Variants in NOTCH2 observed in about 807,000 individuals in gnomAD.
NOTCH2 encodes the protein neurogenic locus notch homolog protein 2.
NOTCH2 carries 29 observed loss-of-function variants against 235.8 expected under a neutral mutation model. That is an observed-to-expected ratio of 0.12 (90% CI 0.09 to 0.17). The LOEUF (loss-of-function observed/expected upper bound fraction) is 0.17. NOTCH2 is among the 10% of genes least tolerant of loss of function. NOTCH2 has a pLI of 1.00. For missense variants in NOTCH2, 2,285 were observed against 3,150.2 expected (o/e 0.73, Z 6.57); for synonymous variants, 1,086 against 1,141.5 (o/e 0.95, Z 0.98).
chr1:120,043,887 C>T (rs1465677256), intron 1 of NOTCH2, among the ~76,000 whole-genome samples: 1 of 147,274 alleles, frequency 6.8e-6, no homozygotes, highest in East Asian at 2.0e-4. Context: ...TACCCTATGA[C>T]TGAAATTGTT....
intron 1 of NOTCH2, among the ~76,000 whole-genome samples, chr1:120,067,320 C>T (rs1570802185): frequency 6.7e-6 from 1 of 149,254 alleles, no homozygotes; most frequent in Non-Finnish European, 1.5e-5. Flanking sequence ...TAAATCCTAT[C>T]CTTTGAGTCA....
chr1:119,996,958 G>A (rs1553204270), intron 4 of NOTCH2, 39 bp downstream of exon 4: 3 of 1,595,050 alleles, frequency 1.9e-6, no homozygotes, highest in Non-Finnish European at 1.7e-6. Context: ...TGTGCTAGGG[G>A]TTTGTCCCCT....
intron 5 of NOTCH2, among the ~76,000 whole-genome samples, chr1:119,973,376 C>T (rs1027025141): frequency 2.6e-4 from 40 of 152,274 alleles, no homozygotes; most frequent in Non-Finnish European, 3.2e-4. Flanking sequence ...ACTCCCTTCA[C>T]GTCACCACCC....
chr1:120,023,094 A>G (rs587769420), intron 2 of NOTCH2, among the ~76,000 whole-genome samples: 1 of 151,884 alleles, frequency 6.6e-6, no homozygotes. Flanking sequence ...CAAAGATCCA[A>G]TTGTTAATAG....
Position 119,949,026 on chromosome 1 carries a change from C to A in NOTCH2, c.2580G>T (p.Leu860Phe). Reference protein sequence around the residue: ...ESPNFESYTCLCAPGWQGQRC... With the variant: ...ESPNFESYTCFCAPGWQGQRC... ...TCTTACCTTGCCAGCCAGGAGCACA[C>A]AAGCAAGTATAACTCTCAAAATTTG... Residue 860 changes from leucine to phenylalanine, a missense_variant, in exon 16 of 34, where the codon TTG becomes TTT. This residue lies in a region of NOTCH2 where 1,173 missense variants were observed against 1,515.3 expected (regional missense o/e 0.77). Coordinates refer to ENST00000256646, the MANE Select transcript of NOTCH2 (RefSeq NM_024408.4). 1 of 1,614,220 alleles carries A rather than the reference C, an allele frequency of 6.2e-7. No individual in the cohort carries two copies. The highest frequency in any genetic ancestry group is 8.5e-7 in the Non-Finnish European group (1 of 1,180,032).
chr1:119,985,326 A>G (rs1651973209), intron 5 of NOTCH2, among the ~76,000 whole-genome samples: 2 of 152,154 alleles, frequency 1.3e-5, no homozygotes, highest in South Asian at 4.1e-4. Flanking sequence ...AAACTTATCC[A>G]TGATCTCCAC....
intron 29 of NOTCH2, 73 bp from the exon 30 acceptor site, chr1:119,920,470 C>G (rs1247367321): frequency 1.3e-6 from 2 of 1,484,964 alleles, no homozygotes; most frequent in East Asian, 4.5e-5. Flanking sequence ...GTGTCCAGAG[C>G]CTCCACCACC....
rs1445649894 is a variant in NOTCH2, at chr1:119,997,241, T to C, written c.507A>G (p.Lys169=). 1.9e-6 allele frequency: 3 copies of C among 1,613,976 alleles called. No homozygotes were observed. The highest frequency in any genetic ancestry group is 2.5e-6 in the Non-Finnish European group (3 of 1,179,864). ...CTTVANQFSC[K]CLTGFTGQKC... Reference sequence around the variant, plus strand: ...TCTGCCCTGTGAAGCCTGTGAGGCATTTGCAGGAGAACTGGTTGGCCACAG... The same window carrying C: ...TCTGCCCTGTGAAGCCTGTGAGGCACTTGCAGGAGAACTGGTTGGCCACAG... The change falls in exon 4 of 34, where the codon AAA becomes AAG. Residue 169 remains lysine (K), a synonymous_variant. Transcript: ENST00000256646.
At chr1:120,045,844 A>G (rs1395929321) in intron 1 of NOTCH2, among the ~76,000 whole-genome samples, 5 of 152,286 alleles carry the variant, frequency 3.3e-5, no homozygotes, top group Non-Finnish European at 5.9e-5. Context: ...TACATTCTGG[A>G]CCAGTGGTCT....
At chr1:120,037,517 T>C (rs1654355209) in intron 1 of NOTCH2, among the ~76,000 whole-genome samples, 1 of 151,358 alleles carries the variant, frequency 6.6e-6, no homozygotes, top group Non-Finnish European at 1.5e-5. Context: ...AAACTTTCTC[T>C]AAATTTTGTA....
chr1:120,014,998 T>C (rs1653375455), intron 2 of NOTCH2, among the ~76,000 whole-genome samples: 1 of 150,478 alleles, frequency 6.6e-6, no homozygotes, highest in Admixed American at 6.6e-5. Context: ...TAGCTTTTTT[T>C]TTTTTTTTTT....
intron 1 of NOTCH2, among the ~76,000 whole-genome samples, chr1:120,045,963 A>C (rs1490660234): frequency 1.3e-5 from 2 of 152,276 alleles, no homozygotes; most frequent in Non-Finnish European, 2.9e-5. Flanking sequence ...AAAAACATAT[A>C]AGCTTTACTT....
chr1:119,958,347 A>G (rs1171783221), intron 12 of NOTCH2, among the ~76,000 whole-genome samples: 1 of 152,220 alleles, frequency 6.6e-6, no homozygotes, highest in Non-Finnish European at 1.5e-5. Context: ...GTCCACAATC[A>G]TACCAAATAG....
At chr1:119,940,874 T>G in intron 18 of NOTCH2, 118 bp from the exon 19 acceptor site, 1 of 870,792 alleles carries the variant, frequency 1.1e-6, no homozygotes, top group Admixed American at 2.0e-5. Flanking sequence ...GCAACCCATA[T>G]CCCTTAAACT....
At chr1:119,941,292 C>T (rs1393087858) in intron 18 of NOTCH2, among the ~76,000 whole-genome samples, 2 of 152,152 alleles carry the variant, frequency 1.3e-5, no homozygotes, top group Non-Finnish European at 2.9e-5. Context: ...TCTTTCTGTT[C>T]CCTAAGCAAG....
chr1:119,955,150 A>T lies in NOTCH2; in HGVS notation c.2109T>A (p.Gly703=). 1 of 1,614,090 alleles carries T rather than the reference A, an allele frequency of 6.2e-7. No individual in the cohort carries two copies. The highest frequency in any genetic ancestry group is 8.5e-7 in the Non-Finnish European group (1 of 1,180,014). The change falls in exon 13 of 34, where the codon GGT becomes GGA. Residue 703 remains glycine (G), a synonymous_variant. Coordinates refer to ENST00000256646, the MANE Select transcript of NOTCH2 (RefSeq NM_024408.4). ...GTCCCTCGGGGCATATACAGCGGAA[A>T]CCATTCACACCGTTGATACATGTTG... ...KGATCINGVN[G]FRCICPEGPH...
At position 119,951,236 on chromosome 1, in the gene NOTCH2, C is replaced by T. The variant is rs587638643; in HGVS notation, c.2366-399G>A. On this transcript the variant is annotated intron_variant, in intron 14 of 33. Transcript: ENST00000256646. ...GTGTAATCATGGCTCACTGCAGCCT[C>T]GACCTCTCGGGCTCAGCAATCCTCC... Among the ~76,000 whole-genome samples the T allele has an allele frequency of 3.3e-5, 5 of 152,252 alleles. No homozygotes were observed. The South Asian group carries it at 1.0e-3, about 32-fold the overall frequency.
chr1:119,984,458 A>C (rs1553202013), intron 5 of NOTCH2, among the ~76,000 whole-genome samples: 1 of 152,230 alleles, frequency 6.6e-6, no homozygotes. Context: ...CAAAGATTAC[A>C]CAGATAAAAC....
Position 119,911,972 on chromosome 1 carries a change from GCTCT to G in NOTCH2, c.*3330_*3333del, listed in dbSNP as rs989891052. 1 of 233,416 alleles carries G rather than the reference GCTCT, an allele frequency of 4.3e-6. No individual in the cohort carries two copies. Among genetic ancestry groups the G allele is most frequent in the Non-Finnish European group, 8.5e-6 (1 of 118,044 alleles). 14.5% of individuals were successfully genotyped at this position (233,416 alleles called of 1,614,324 possible). A position where few individuals can be genotyped will look rare whatever the true frequency, so the allele number is the denominator to read the frequency against. On this transcript the variant is annotated 3_prime_UTR_variant, in exon 34 of 34. Coordinates refer to ENST00000256646, the MANE Select transcript of NOTCH2 (RefSeq NM_024408.4). Reference sequence around the variant, plus strand: ...GGGATTCAGAAAGAAAAGAAAATTTGCTCTCTCAGCAAATTATGACATCATGAGG... The same window carrying G: ...GGGATTCAGAAAGAAAAGAAAATTTGCTCAGCAAATTATGACATCATGAGG...
Sources: gnomAD v4.1 joint callset for allele counts (sites outside exome capture counted in the v4.1 genomes callset) on GRCh38, gnomAD v4.1.1 for gene constraint, gnomAD v4.1.1 regional missense constraint, MANE v1.5 for transcripts, NCBI Gene and HGNC (gene_info 2026-07-23, HGNC 2026-07-21) for gene names.